PDE8B: variants seen among roughly 807,000 people sequenced by gnomAD.
The protein encoded by PDE8B is high affinity cAMP-specific and IBMX-insensitive 3',5'-cyclic phosphodiesterase 8B.
A neutral mutation model predicts 101.3 loss-of-function variants in PDE8B; 26 were observed. The ratio of observed to expected loss-of-function variants is 0.26; its 90% CI spans 0.19 to 0.36. The LOEUF (loss-of-function observed/expected upper bound fraction) is 0.36. Ranked by LOEUF, PDE8B falls within the 10% of genes least tolerant of loss-of-function variation. The pLI is 1.00. For synonymous variants in PDE8B, 424 were observed against 429.3 expected, an observed-to-expected ratio of 0.99 and a Z score of 0.15; for missense variants, 810 against 1,163.1, an observed-to-expected ratio of 0.70 and a Z score of 4.42.
intron 1 of PDE8B, among the ~76,000 whole-genome samples, chr5:77,275,330 C>A (rs1763635980): frequency 6.6e-6 from 1 of 152,204 alleles, no homozygotes; most frequent in East Asian, 1.9e-4. Context: ...CTCATAGTGA[C>A]AAATCTGTTT....
At chr5:77,259,081 CCCCACA>C in intron 1 of PDE8B, among the ~76,000 whole-genome samples, 1 of 89,732 alleles carries the variant, frequency 1.1e-5, no homozygotes, top group Non-Finnish European at 2.4e-5. Flanking sequence ...CCCGCCCCCC[CCCCACA>C]CACACACACG....
chr5:77,290,282 C>T (rs1259472251), intron 1 of PDE8B: 2 of 1,555,342 alleles, frequency 1.3e-6, no homozygotes, highest in African/African-American at 1.4e-5. Context: ...CCACTCTCCT[C>T]ATCAATCAGC....
chr5:77,400,034 C>G (rs747571121), intron 10 of PDE8B, among the ~76,000 whole-genome samples: 28 of 152,188 alleles, frequency 1.8e-4, no homozygotes, highest in Admixed American at 1.0e-3. Context: ...CCTTCCTGCT[C>G]TCAGGCTCAG....
chr5:77,236,905 T>C (rs74865918), intron 1 of PDE8B, among the ~76,000 whole-genome samples: 1,744 of 152,330 alleles, frequency 0.011, 38 homozygotes, highest in African/African-American at 0.039. Context: ...ATTGTGAATT[T>C]GTCTATTTTT....
At chr5:77,218,515 C>G (rs967782815) in intron 1 of PDE8B, among the ~76,000 whole-genome samples, 1 of 152,182 alleles carries the variant, frequency 6.6e-6, no homozygotes, top group African/African-American at 2.4e-5. Context: ...GCCTGAAGCC[C>G]TAAGTGTGGC....
At chr5:77,094,159 T>C in the PDE8B span, among the ~76,000 whole-genome samples, 2 of 151,978 alleles carry the variant, frequency 1.3e-5, no homozygotes, top group Admixed American at 1.3e-4. Context: ...AAATGAGAAA[T>C]ATACATTTTA....
chr5:77,142,480 C>T, the PDE8B span, among the ~76,000 whole-genome samples: 1 of 152,170 alleles, frequency 6.6e-6, no homozygotes, highest in Non-Finnish European at 1.5e-5. Flanking sequence ...AATTTGTTTT[C>T]TATCACTATA....
rs199641616 is a variant in PDE8B, at chr5:77,404,579, TTGAC to T, written c.1211-138_1211-135del. The T allele has an allele frequency of 6.8e-3, 4,294 of 630,830 alleles. 130 individuals are homozygous for T. Among genetic ancestry groups the T allele is most frequent in the African/African-American group, 0.067 (3,617 of 54,284 alleles). 39.1% of individuals were successfully genotyped at this position (630,830 alleles called of 1,614,324 possible). ...CTTTCATGATTTGAAAAGAAAGTGG[TTGAC>T]TGTTTCTTAAAATTATTTTATAGTG... is the stretch of plus-strand genomic sequence containing the variant. On this transcript the variant is annotated intron_variant, in intron 11 of 21. Transcript: ENST00000264917.
Position 77,400,550 on chromosome 5 carries a change from T to C in PDE8B, c.1210+260T>C, listed in dbSNP as rs573161765. Among the ~76,000 whole-genome samples, 133 of 152,186 alleles carry C rather than the reference T, an allele frequency of 8.7e-4. 1 individual carries two copies. The highest frequency in any genetic ancestry group is 9.0e-4 in the Non-Finnish European group (61 of 68,030). ...TTTTTCTTTTCTTGGCTAGATACCA[T>C]GTAGGACAGATAAACCCAAGAGAGT... On this transcript the variant is annotated intron_variant, in intron 11 of 21. Transcript: ENST00000264917.
intron 5 of PDE8B, among the ~76,000 whole-genome samples, chr5:77,336,601 C>A (rs932405086): frequency 6.7e-6 from 1 of 148,946 alleles, no homozygotes; most frequent in Non-Finnish European, 1.5e-5. Flanking sequence ...TGTATGTATA[C>A]ACCACAATTT....
At chr5:77,236,896 T>G (rs1268849570) in intron 1 of PDE8B, among the ~76,000 whole-genome samples, 1 of 152,232 alleles carries the variant, frequency 6.6e-6, no homozygotes, top group Non-Finnish European at 1.5e-5. Flanking sequence ...CCAACTGTAA[T>G]TGTGAATTTG....
At chr5:77,386,680 G>A (rs1330129902) in intron 10 of PDE8B, among the ~76,000 whole-genome samples, 2 of 151,904 alleles carry the variant, frequency 1.3e-5, no homozygotes, top group African/African-American at 4.8e-5. Flanking sequence ...CTTTGCACAT[G>A]AGATGAGTCT....
chr5:77,241,420 A>C (rs1755744762), intron 1 of PDE8B, among the ~76,000 whole-genome samples: 1 of 152,214 alleles, frequency 6.6e-6, no homozygotes, highest in South Asian at 2.1e-4. Context: ...GGAGGTAAAC[A>C]GGCATAATCA....
chr5:77,286,972 C>T (rs1266975236), intron 1 of PDE8B, among the ~76,000 whole-genome samples: 3 of 152,152 alleles, frequency 2.0e-5, no homozygotes, highest in Admixed American at 6.5e-5. Flanking sequence ...TATTTCCCTC[C>T]GGATTCCATG....
intron 1 of PDE8B, among the ~76,000 whole-genome samples, chr5:77,284,630 C>T (rs1765638880): frequency 1.3e-5 from 2 of 152,176 alleles, no homozygotes; most frequent in African/African-American, 4.8e-5. Flanking sequence ...CTCTCTTGTC[C>T]CCTTTCTCAA....
intron 1 of PDE8B, chr5:77,291,269 A>G (rs1767275308): frequency 2.5e-6 from 4 of 1,613,098 alleles, no homozygotes; most frequent in South Asian, 1.1e-5. Context: ...TTGGGAACCC[A>G]TGGGACCCTA....
At chr5:77,253,839 G>T (rs1758569001) in intron 1 of PDE8B, among the ~76,000 whole-genome samples, 2 of 152,032 alleles carry the variant, frequency 1.3e-5, no homozygotes, top group Non-Finnish European at 1.5e-5. Flanking sequence ...GATATATCTA[G>T]CTCCTAAGTT....
At chr5:77,235,916 A>G (rs1331692152) in intron 1 of PDE8B, among the ~76,000 whole-genome samples, 1 of 152,172 alleles carries the variant, frequency 6.6e-6, no homozygotes, top group Non-Finnish European at 1.5e-5. Flanking sequence ...GGTTGGTACT[A>G]TAATTATCCC....
At chr5:77,233,716 G>A (rs556309038) in intron 1 of PDE8B, among the ~76,000 whole-genome samples, 30 of 144,320 alleles carry the variant, frequency 2.1e-4, no homozygotes, top group Middle Eastern at 3.6e-3. Context: ...GACTTTTGTT[G>A]CATTAGGTTA....
Sources: allele counts gnomAD v4.1 joint callset (sites outside exome capture counted in the v4.1 genomes callset), GRCh38; gene constraint gnomAD v4.1.1; transcripts MANE v1.5; gene names NCBI Gene and HGNC (gene_info 2026-07-23, HGNC 2026-07-21).